Variants in USP13 observed in about 807,000 individuals in gnomAD.
USP13 encodes ubiquitin specific peptidase 13.
A neutral mutation model predicts 107.8 loss-of-function variants in USP13; 68 were observed. The ratio of observed to expected loss-of-function variants is 0.63; its 90% CI spans 0.52 to 0.77. The LOEUF (loss-of-function observed/expected upper bound fraction) is 0.77. Among genes scored for constraint, USP13 ranks in the 30% least tolerant of loss-of-function variants. USP13 has a pLI of 0.00. For synonymous variants in USP13, 377 were observed against 389.5 expected, an observed-to-expected ratio of 0.97 and a Z score of 0.38; for missense variants, 945 against 1,093.3, an observed-to-expected ratio of 0.86 and a Z score of 1.91.
At chr3:179,728,526 C>G (rs1405619078) in intron 8 of USP13, among the ~76,000 whole-genome samples, 1 of 150,940 alleles carries the variant, frequency 6.6e-6, no homozygotes, top group East Asian at 2.0e-4. Context: ...GGGCTCCTCA[C>G]ATCCCAGACG....
intron 1 of USP13, among the ~76,000 whole-genome samples, chr3:179,662,572 C>G (rs1576907689): frequency 6.6e-6 from 1 of 152,200 alleles, no homozygotes; most frequent in East Asian, 1.9e-4. Flanking sequence ...CCTTTGCTGT[C>G]CTTTGATTGG....
At chr3:179,713,930 G>A (rs575252450) in intron 6 of USP13, among the ~76,000 whole-genome samples, 192 of 152,232 alleles carry the variant, frequency 1.3e-3, no homozygotes, top group Non-Finnish European at 2.4e-3. Flanking sequence ...CCTCAGTCCA[G>A]GCCAGAGTGG....
At chr3:179,674,722 A>C (rs1363864765) in intron 1 of USP13, among the ~76,000 whole-genome samples, 1 of 151,698 alleles carries the variant, frequency 6.6e-6, no homozygotes, top group Non-Finnish European at 1.5e-5. Context: ...GCCGATTTAT[A>C]TTGTAGGAGA....
chr3:179,775,987 C>T (rs550797295), intron 19 of USP13, among the ~76,000 whole-genome samples: 10 of 152,314 alleles, frequency 6.6e-5, no homozygotes, highest in East Asian at 3.9e-4. Context: ...GCAGATGTCA[C>T]GGTCGAGGAG....
intron 10 of USP13, among the ~76,000 whole-genome samples, chr3:179,737,646 G>A (rs1401239411): frequency 6.6e-6 from 1 of 152,208 alleles, no homozygotes; most frequent in East Asian, 1.9e-4. Context: ...AAGCACAACT[G>A]AAGCCGTGTA....
chr3:179,691,835 A>C (rs555168816), intron 3 of USP13, among the ~76,000 whole-genome samples: 1 of 152,318 alleles, frequency 6.6e-6, no homozygotes, highest in Admixed American at 6.5e-5. Context: ...ACTGATTTCT[A>C]TATCATATAA....
At chr3:179,783,110 T>C (rs993420819) in intron 20 of USP13, among the ~76,000 whole-genome samples, 5 of 152,130 alleles carry the variant, frequency 3.3e-5, no homozygotes, top group African/African-American at 1.2e-4. Context: ...AAACACTTTA[T>C]GGAATGAAGT....
At chr3:179,730,748 G>T in intron 10 of USP13, 39 bp downstream of exon 10, 1 of 1,585,452 alleles carries the variant, frequency 6.3e-7, no homozygotes, top group South Asian at 1.1e-5. Context: ...CATGTAGGTA[G>T]GGAGGAGCTT....
chr3:179,689,910 T>G (rs1712052644), intron 2 of USP13, among the ~76,000 whole-genome samples: 1 of 152,138 alleles, frequency 6.6e-6, no homozygotes, highest in Non-Finnish European at 1.5e-5. Flanking sequence ...TTTCCTGAGT[T>G]TTTCAATGTC....
chr3:179,686,721 G>A (rs1401538639), intron 2 of USP13, among the ~76,000 whole-genome samples: 1 of 152,224 alleles, frequency 6.6e-6, no homozygotes, highest in African/African-American at 2.4e-5. Flanking sequence ...CAACATTGCA[G>A]TCTGATCTTG....
At position 179,765,776 on chromosome 3, in the gene USP13, G is replaced by A. The variant is rs752204669; in HGVS notation, c.2341G>A (p.Glu781Lys). The change falls in exon 19 of 21, where the codon GAG becomes AAG. Residue 781 changes from glutamate to lysine, a missense_variant. Transcript: ENST00000263966. Reference protein sequence around the residue: ...EEDSDFVIEMENNANANIISE... With the variant: ...EEDSDFVIEMKNNANANIISE... The stretch of plus-strand genomic sequence containing the variant: ...AGACAGTGATTTTGTGATTGAGATG[G>A]AGAATAATGCCAATGCAAACATTAT... The A allele has an allele frequency of 6.2e-7, 1 of 1,614,188 alleles. No homozygotes were observed. Among genetic ancestry groups the A allele is most frequent in the South Asian group, 1.1e-5 (1 of 91,082 alleles).
rs1036563993 is a variant in USP13, at chr3:179,740,708, C to T, written c.1380+336C>T. On this transcript the variant is annotated intron_variant, in intron 11 of 20. Transcript: ENST00000263966. ...AAGAGCCCTGCGTGGTATTTGGTGTCCTCCTGCCACTGCTCAAAGATGATG... is the reference window on the plus strand; with the variant it reads ...AAGAGCCCTGCGTGGTATTTGGTGTTCTCCTGCCACTGCTCAAAGATGATG... Among the ~76,000 whole-genome samples, 4 of 152,074 alleles carry T rather than the reference C, an allele frequency of 2.6e-5. No individual in the cohort carries two copies. The South Asian group carries it at 6.2e-4, about 24-fold the overall frequency.
chr3:179,694,385 C>T (rs1252852814), intron 3 of USP13, among the ~76,000 whole-genome samples: 4 of 152,160 alleles, frequency 2.6e-5, no homozygotes, highest in Admixed American at 1.3e-4. Flanking sequence ...GGGATCTAGG[C>T]TCTTCCCATA....
intron 16 of USP13, among the ~76,000 whole-genome samples, chr3:179,757,428 G>A (rs1172891916): frequency 9.2e-5 from 14 of 152,198 alleles, no homozygotes; most frequent in Admixed American, 9.2e-4. Context: ...TGCAATGGTG[G>A]CACAGTGGTC....
At chr3:179,680,264 C>T (rs190273361) in intron 1 of USP13, among the ~76,000 whole-genome samples, 47 of 152,196 alleles carry the variant, frequency 3.1e-4, no homozygotes, top group Admixed American at 2.1e-3. Context: ...CATGCAATAA[C>T]GTGCATTATA....
chr3:179,773,873 G>A (rs1255585220), intron 19 of USP13, among the ~76,000 whole-genome samples: 4 of 151,980 alleles, frequency 2.6e-5, no homozygotes, highest in East Asian at 3.9e-4. Context: ...GAATTTTTTT[G>A]TATCTTTACT....
intron 15 of USP13, among the ~76,000 whole-genome samples, chr3:179,755,087 T>G (rs1044738108): frequency 8.5e-5 from 13 of 152,146 alleles, no homozygotes; most frequent in African/African-American, 2.9e-4. Context: ...ATGGACAGTT[T>G]TTTTTTGTAG....
In USP13 at chr3:179,653,082, C is replaced by T; in HGVS notation, c.-144C>T. On this transcript the variant is annotated 5_prime_UTR_variant, in exon 1 of 21. Coordinates refer to ENST00000263966, the MANE Select transcript of USP13 (RefSeq NM_003940.3). This position sits in a 1 kb window ranked among gnomAD's most constrained non-coding sequence, Gnocchi z 4.0. ...CGGTGCCCGCTCCCGCCCCGCAGCC[C>T]GCTCTCCCCGCCCGCCCCGGCTCGG... 1 of 690,974 alleles carries T rather than the reference C, an allele frequency of 1.4e-6. No individual in the cohort carries two copies. The highest frequency in any genetic ancestry group is 1.8e-6 in the Non-Finnish European group (1 of 562,134). 42.8% of individuals were successfully genotyped at this position (690,974 alleles called of 1,614,324 possible).
chr3:179,672,636 G>A (rs1446993719), intron 1 of USP13, among the ~76,000 whole-genome samples: 1 of 152,110 alleles, frequency 6.6e-6, no homozygotes, highest in Non-Finnish European at 1.5e-5. Context: ...GTTTCACCAT[G>A]TTGGCCAGGA....
Sources: gnomAD v4.1 joint callset for allele counts (sites outside exome capture counted in the v4.1 genomes callset) on GRCh38, gnomAD v4.1.1 for gene constraint, Gnocchi (gnomAD v3.1) non-coding constraint, MANE v1.5 for transcripts, NCBI Gene and HGNC (gene_info 2026-07-23, HGNC 2026-07-21) for gene names.